The following SNAPC1 variants were observed in gnomAD, a reference collection of about 807,000 sequenced individuals.
SNAPC1 encodes snRNA-activating protein complex subunit 1.
A neutral mutation model predicts 50.1 loss-of-function variants in SNAPC1; 42 were observed. That is an observed-to-expected ratio of 0.84 (90% CI 0.65 to 1.08). The LOEUF (loss-of-function observed/expected upper bound fraction) is 1.08, where lower values mean the gene tolerates loss of function less well. Ranked by LOEUF, SNAPC1 falls within the 50% of genes least tolerant of loss-of-function variation. SNAPC1 has a pLI of 0.00. For missense variants in SNAPC1, 477 were observed against 427.3 expected (o/e 1.12, Z -1.02); for synonymous variants, 164 against 144.2 (o/e 1.14, Z -0.98).
At position 61,795,125 on chromosome 14, in the gene SNAPC1, G is replaced by A. The variant is rs1020799048; in HGVS notation, c.*142G>A. The A allele has an allele frequency of 1.1e-5, 6 of 555,772 alleles. No individual in the cohort carries two copies. The highest frequency in any genetic ancestry group is 5.9e-5 in the African/African-American group (3 of 51,232). 34.4% of individuals were successfully genotyped at this position (555,772 alleles called of 1,614,324 possible). The stretch of plus-strand genomic sequence containing the variant: ...GGTTATTTCTTGGAAATTGCAATAC[G>A]TAGTTCTAGAATAAAAGTACAAAAA... On this transcript the variant is annotated 3_prime_UTR_variant, in exon 10 of 10. Transcript: ENST00000216294.
At position 61,796,217 on chromosome 14, in the gene SNAPC1, C is replaced by G. The variant is rs541752868; in HGVS notation, c.*1234C>G. On this transcript the variant is annotated 3_prime_UTR_variant, in exon 10 of 10. Transcript: ENST00000216294. ...AGGCGTGGTGGCGGGCGCCTGTAAT[C>G]CCAGCTACTCGGGAAGCTGAGGCAG... 6 of 152,338 alleles carry G rather than the reference C, an allele frequency of 3.9e-5. No homozygotes were observed. In the South Asian group the frequency reaches 1.0e-3, roughly 26 times the overall value. The allele number at this position is 152,338 out of a possible 1,614,324, so 9.4% of individuals were successfully genotyped here. A position where few individuals can be genotyped will look rare whatever the true frequency, so the allele number is the denominator to read the frequency against.
At chr14:61,773,706 T>A (rs1440831923) in intron 4 of SNAPC1, among the ~76,000 whole-genome samples, 4 of 147,786 alleles carry the variant, frequency 2.7e-5, no homozygotes. Flanking sequence ...TTTTTTTTTT[T>A]TTTATTTTTT....
intron 8 of SNAPC1, among the ~76,000 whole-genome samples, chr14:61,784,788 C>G (rs1487644730): frequency 6.6e-6 from 1 of 152,050 alleles, no homozygotes; most frequent in Non-Finnish European, 1.5e-5. Context: ...GCCTCATGTT[C>G]AATGGTAATA....
intron 4 of SNAPC1, among the ~76,000 whole-genome samples, chr14:61,774,264 G>A (rs2045017461): frequency 1.3e-5 from 2 of 151,172 alleles, no homozygotes; most frequent in African/African-American, 4.9e-5. Flanking sequence ...AGGCTTCTGA[G>A]TAGCTGGGAC....
intron 8 of SNAPC1, among the ~76,000 whole-genome samples, chr14:61,787,683 C>T (rs896653937): frequency 2.6e-5 from 4 of 152,162 alleles, no homozygotes; most frequent in African/African-American, 9.7e-5. Flanking sequence ...TGGGATTGGC[C>T]AAGTCTCAGC....
In SNAPC1 at chr14:61,791,136, C is replaced by T. The variant is rs529520422; in HGVS notation, c.977-1671C>T. 4.6e-5 allele frequency among the ~76,000 whole-genome samples: 7 copies of T among 152,138 alleles called. No homozygotes were observed. The East Asian group carries it at 1.2e-3, about 25-fold the overall frequency. On this transcript the variant is annotated intron_variant, in intron 8 of 9. Transcript: ENST00000216294. ...AAGCAATTCTCCTGCCTCAGTCTCC[C>T]GGGTAGCTGGGATTACAGGCACCCA...
At chr14:61,794,501 G>C (rs573361865) in intron 9 of SNAPC1, among the ~76,000 whole-genome samples, 13 of 152,264 alleles carry the variant, frequency 8.5e-5, no homozygotes, top group Non-Finnish European at 1.6e-4. Context: ...CACCTCCTGG[G>C]TTCAAGCAAT....
chr14:61,771,949 T>G (rs1056138784), intron 4 of SNAPC1, among the ~76,000 whole-genome samples: 2 of 152,050 alleles, frequency 1.3e-5, no homozygotes, highest in Non-Finnish European at 2.9e-5. Context: ...TTGTGGAGAA[T>G]GGAAGAAAGA....
At chr14:61,770,857 T>C (rs113254121) in intron 4 of SNAPC1, among the ~76,000 whole-genome samples, 8 of 152,272 alleles carry the variant, frequency 5.3e-5, no homozygotes, top group African/African-American at 1.9e-4. Flanking sequence ...TACTCATGCC[T>C]CAGCCTCTCG....
chr14:61,774,165 CT>C (rs377461957), intron 4 of SNAPC1, among the ~76,000 whole-genome samples: 44,084 of 136,270 alleles, frequency 0.32, 7,071 homozygotes, highest in South Asian at 0.41. Context: ...TTTTCTTCTT[CT>C]TTTTTTTTTT....
At chr14:61,790,269 A>C (rs575730289) in intron 8 of SNAPC1, among the ~76,000 whole-genome samples, 1 of 152,338 alleles carries the variant, frequency 6.6e-6, no homozygotes, top group African/African-American at 2.4e-5. Flanking sequence ...CTCGAATATA[A>C]CATGCATGTT....
At chr14:61,771,452 CA>C (rs376467199) in intron 4 of SNAPC1, among the ~76,000 whole-genome samples, 107 of 152,116 alleles carry the variant, frequency 7.0e-4, no homozygotes, top group African/African-American at 2.5e-3. Flanking sequence ...ATTCAACAAA[CA>C]AATGAAGTGT....
At chr14:61,787,459 A>G (rs1164125438) in intron 8 of SNAPC1, among the ~76,000 whole-genome samples, 1 of 152,178 alleles carries the variant, frequency 6.6e-6, no homozygotes, top group Non-Finnish European at 1.5e-5. Context: ...TGAGCAGTGA[A>G]CATTTCCAGT....
At chr14:61,790,306 A>G (rs2045142896) in intron 8 of SNAPC1, among the ~76,000 whole-genome samples, 1 of 152,226 alleles carries the variant, frequency 6.6e-6, no homozygotes, top group Non-Finnish European at 1.5e-5. Context: ...TACCAGTGCT[A>G]TGATGGATGA....
intron 6 of SNAPC1, 83 bp from the exon 7 acceptor site, chr14:61,778,765 C>A: frequency 1.2e-6 from 1 of 832,800 alleles, no homozygotes; most frequent in Non-Finnish European, 2.0e-6. Flanking sequence ...AATCTTATTT[C>A]TGATAATAAA....
At position 61,767,487 on chromosome 14, in the gene SNAPC1, A is replaced by G. The variant is rs908925093; in HGVS notation, c.429+135A>G. 2.9e-5 allele frequency: 14 copies of G among 485,870 alleles called. No individual in the cohort carries two copies. The Admixed American group carries it at 5.4e-4, about 19-fold the overall frequency. 30.1% of individuals were successfully genotyped at this position (485,870 alleles called of 1,614,324 possible). On this transcript the variant is annotated intron_variant, in intron 3 of 9. Transcript: ENST00000216294. ...CTTTTAGCTTTTTTTTTTTTTAGAC[A>G]GAGTCTTGCTCTGTCGCCCAGGCTG...
intron 8 of SNAPC1, among the ~76,000 whole-genome samples, chr14:61,782,955 C>T (rs538919322): frequency 6.7e-6 from 1 of 150,338 alleles, no homozygotes; most frequent in African/African-American, 2.4e-5. Context: ...AATAACTTGT[C>T]TAAAGTGATA....
chr14:61,780,929 T>A (rs2045067457), intron 7 of SNAPC1, among the ~76,000 whole-genome samples: 2 of 152,228 alleles, frequency 1.3e-5, no homozygotes, highest in Non-Finnish European at 2.9e-5. Flanking sequence ...GTGGACTTTT[T>A]TCCTTGCCAT....
Position 61,767,299 on chromosome 14 carries a change from T to A in SNAPC1, c.376T>A (p.Phe126Ile), listed in dbSNP as rs753900403. 44 of 1,526,528 alleles carry A rather than the reference T, an allele frequency of 2.9e-5. No individual in the cohort carries two copies. Among genetic ancestry groups the A allele is most frequent in the Non-Finnish European group, 3.7e-5 (42 of 1,136,966 alleles). The allele number at this position is 1,526,528 out of a possible 1,614,324, so 94.6% of individuals were successfully genotyped here. A position where few individuals can be genotyped will look rare whatever the true frequency, so the allele number is the denominator to read the frequency against. The change falls in exon 3 of 10, where the codon TTT becomes ATT. Residue 126 changes from phenylalanine to isoleucine, a missense_variant. By Grantham distance (21) the Phe-to-Ile change is conservative. Transcript: ENST00000216294. ...NAQHFDAAYI[F>I]RKLRLDRAFH... is the part of the protein sequence containing the mutation. Reference sequence around the variant, plus strand: ...ACAGCATTTTGATGCAGCTTATATTTTTAGGAAGCTACGACTAGACAGAGC... The same window carrying A: ...ACAGCATTTTGATGCAGCTTATATTATTAGGAAGCTACGACTAGACAGAGC...
Sources: gnomAD v4.1 joint callset for allele counts (sites outside exome capture counted in the v4.1 genomes callset) on GRCh38, gnomAD v4.1.1 for gene constraint, MANE v1.5 for transcripts, NCBI Gene and HGNC (gene_info 2026-07-23, HGNC 2026-07-21) for gene names.